The following AVPI1 variants were observed in gnomAD, a reference collection of about 807,000 sequenced individuals.
The protein encoded by AVPI1 is arginine vasopressin-induced protein 1.
AVPI1 carries 9 observed loss-of-function variants against 11.9 expected under a neutral mutation model. That is an observed-to-expected ratio of 0.76 (90% confidence interval 0.46 to 1.32). The LOEUF is 1.32. Ranked by LOEUF, AVPI1 falls within the 40% of genes most tolerant of loss-of-function variation. The pLI, the probability that AVPI1 is intolerant of heterozygous loss-of-function variation, is 0.00. For synonymous variants in AVPI1, 68 were observed against 78.1 expected (o/e 0.87, Z 0.68); for missense variants, 207 against 195.8 (o/e 1.06, Z -0.34).
intron 1 of AVPI1, among the ~76,000 whole-genome samples, chr10:97,682,089 C>T (rs946096908): frequency 1.3e-5 from 2 of 152,168 alleles, no homozygotes; most frequent in Non-Finnish European, 2.9e-5. Flanking sequence ...GTGACTTAAG[C>T]GTCCCACGGA....
chr10:97,679,762 G>C lies in AVPI1; in HGVS notation c.144C>G (p.Asp48Glu), dbSNP rs748199701. The C allele has an allele frequency of 6.2e-7, 1 of 1,614,092 alleles. No homozygotes were observed. The highest frequency in any genetic ancestry group is 2.2e-5 in the East Asian group (1 of 44,882). The change falls in exon 2 of 3, where the codon GAC (aspartate) becomes GAG (glutamate). Residue 48 changes from aspartate (D) to glutamate (E), a missense_variant. Transcript: ENST00000370626. Reference sequence around the variant, plus strand: ...TCTGTGCCCGTTCCTCGGCCAGCTGGTCCCCGCTGCGTTGAAACAGGGCTT... The same window carrying C: ...TCTGTGCCCGTTCCTCGGCCAGCTGCTCCCCGCTGCGTTGAAACAGGGCTT... ...QIQALFQRSG[D>E]QLAEERAQII... is the part of the protein sequence containing the mutation.
intron 1 of AVPI1, among the ~76,000 whole-genome samples, chr10:97,681,604 C>T (rs375696128): frequency 8.6e-5 from 13 of 151,856 alleles, no homozygotes; most frequent in African/African-American, 2.2e-4. Context: ...TACGGCCGGG[C>T]GCGGTGGCTC....
chr10:97,685,322 A>G (rs973027070), intron 1 of AVPI1, among the ~76,000 whole-genome samples: 1 of 152,238 alleles, frequency 6.6e-6, no homozygotes, highest in Non-Finnish European at 1.5e-5. Flanking sequence ...ATATATTTAA[A>G]AAGTGACTCA....
chr10:97,686,032 C>G (rs1428626036), intron 1 of AVPI1, among the ~76,000 whole-genome samples: 1 of 152,150 alleles, frequency 6.6e-6, no homozygotes, highest in Non-Finnish European at 1.5e-5. Flanking sequence ...CCTGTAATCC[C>G]AGCACTTTGG....
chr10:97,679,887 C>A lies in AVPI1; in HGVS notation c.19G>T (p.Val7Leu). The change falls in exon 2 of 3, where the codon GTG becomes TTG. Residue 7 changes from valine (V) to leucine (L), a missense_variant. Physicochemically the swap from Val to Leu is conservative, Grantham distance 32. Coordinates refer to ENST00000370626, the MANE Select transcript of AVPI1 (RefSeq NM_021732.3). Reference protein sequence around the residue: MGTPASVVSEPPPWQAP... With the variant: MGTPASLVSEPPPWQAP... ...TGCCAAGGGGGTGGCTCACTGACCA[C>A]CGAGGCTGGGGTACCCATTGTGGAT... The A allele has an allele frequency of 6.3e-7, 1 of 1,584,674 alleles. No individual in the cohort carries two copies. The highest frequency in any genetic ancestry group is 8.5e-7 in the Non-Finnish European group (1 of 1,169,912).
chr10:97,686,286 C>T lies in AVPI1; in HGVS notation c.-11+480G>A, dbSNP rs74678866. Among the ~76,000 whole-genome samples, 1,179 of 152,254 alleles carry T rather than the reference C, an allele frequency of 7.7e-3. 18 individuals carry two copies. The highest frequency in any genetic ancestry group is 0.023 in the African/African-American group (960 of 41,530). On this transcript the variant is annotated intron_variant, in intron 1 of 2. Transcript: ENST00000370626. ...ATGAAGGGAAAGGCTGTTTGACTAC[C>T]AGGGGCTATAGAATCATTGTCATTT...
At chr10:97,682,551 C>G (rs772498061) in intron 1 of AVPI1, among the ~76,000 whole-genome samples, 15 of 152,182 alleles carry the variant, frequency 9.9e-5, no homozygotes, top group Non-Finnish European at 1.6e-4. Flanking sequence ...GCCTTTTGTT[C>G]TCTGTAAGAG....
intron 1 of AVPI1, among the ~76,000 whole-genome samples, chr10:97,683,074 T>G (rs1202587569): frequency 1.3e-5 from 2 of 152,194 alleles, no homozygotes; most frequent in African/African-American, 4.8e-5. Context: ...CACAGGGAAG[T>G]AAAGGGAAGC....
intron 2 of AVPI1, among the ~76,000 whole-genome samples, chr10:97,678,948 TG>T (rs2041685170): frequency 5.0e-5 from 2 of 40,010 alleles, no homozygotes; most frequent in South Asian, 2.2e-3. Flanking sequence ...TGTGTGTGTG[TG>T]TGTGTGTGTG....
Position 97,677,549 on chromosome 10 carries a change from A to G in AVPI1, c.*320T>C. ...TAGTAGCAGGTAGATGATTAGTAGC[A>G]TGAGTGGTGAAATGCTGCATCTAAG... On this transcript the variant is annotated 3_prime_UTR_variant, in exon 3 of 3. Transcript: ENST00000370626. 1 of 289,092 alleles carries G rather than the reference A, an allele frequency of 3.5e-6. No individual in the cohort carries two copies. Among genetic ancestry groups the G allele is most frequent in the South Asian group, 5.3e-5 (1 of 18,754 alleles). The allele number at this position is 289,092 out of a possible 1,614,324, so 17.9% of individuals were successfully genotyped here.
In AVPI1 at chr10:97,687,058, C is replaced by CT; in HGVS notation, c.-304dup. 6.6e-6 allele frequency: 1 copy of CT among 152,496 alleles called. No individual in the cohort carries two copies. Among genetic ancestry groups the CT allele is most frequent in the African/African-American group, 2.4e-5 (1 of 41,602 alleles). 9.4% of individuals were successfully genotyped at this position (152,496 alleles called of 1,614,324 possible). On this transcript the variant is annotated 5_prime_UTR_variant, in exon 1 of 3. Coordinates refer to ENST00000370626, the MANE Select transcript of AVPI1 (RefSeq NM_021732.3). ...GTCGCGTCCCGCTGGCACCCCGGCT[C>CT]TGACTGTCGCCCTCCGGCTCCCACC...
chr10:97,681,451 G>A (rs540946032), intron 1 of AVPI1, among the ~76,000 whole-genome samples: 3 of 151,468 alleles, frequency 2.0e-5, no homozygotes, highest in South Asian at 2.1e-4. Flanking sequence ...GCGTGGTGGC[G>A]CATGCCTGTA....
At chr10:97,684,796 G>A (rs549225833) in intron 1 of AVPI1, among the ~76,000 whole-genome samples, 67 of 152,120 alleles carry the variant, frequency 4.4e-4, no homozygotes, top group African/African-American at 1.6e-3. Flanking sequence ...CACCATGACC[G>A]GCCAAGCCCC....
chr10:97,682,459 G>T (rs1443959180), intron 1 of AVPI1, among the ~76,000 whole-genome samples: 1 of 152,080 alleles, frequency 6.6e-6, no homozygotes, highest in East Asian at 1.9e-4. Context: ...ATCATAAGAG[G>T]CAAACAGTAC....
chr10:97,677,833 A>G lies in AVPI1; in HGVS notation c.*36T>C. On this transcript the variant is annotated 3_prime_UTR_variant, in exon 3 of 3. Transcript: ENST00000370626. ...TCACCTCCCCAGGCCTTTTGGCAAG[A>G]GGGAAGACACTGCCATTCCTGGCTC... 1.2e-6 allele frequency: 2 copies of G among 1,610,246 alleles called. No homozygotes were observed. Among genetic ancestry groups the G allele is most frequent in the Non-Finnish European group, 1.7e-6 (2 of 1,177,500 alleles).
chr10:97,681,730 T>A (rs1409755742), intron 1 of AVPI1, among the ~76,000 whole-genome samples: 3 of 133,208 alleles, frequency 2.3e-5, no homozygotes, highest in African/African-American at 8.1e-5. Flanking sequence ...TACAAAAAAT[T>A]AGCCGGGCGC....
In AVPI1 at chr10:97,678,860, CT is replaced by C. The variant is rs201581234; in HGVS notation, c.287+758del. Among the ~76,000 whole-genome samples, 538 of 141,638 alleles carry C rather than the reference CT, an allele frequency of 3.8e-3. 8 individuals carry two copies. The highest frequency in any genetic ancestry group is 0.023 in the South Asian group (99 of 4,360). 92.9% of individuals were successfully genotyped at this position (141,638 alleles called of 152,430 possible). The stretch of plus-strand genomic sequence containing the variant: ...ATGCCACCATGCCTGGCTAATTTCT[CT>C]TTTTTTTGGCGGGGGGAGGGTGTGT... On this transcript the variant is annotated intron_variant, in intron 2 of 2. Coordinates refer to ENST00000370626, the MANE Select transcript of AVPI1 (RefSeq NM_021732.3).
Position 97,678,016 on chromosome 10 carries a change from C to T in AVPI1, c.297G>A (p.Glu99=), listed in dbSNP as rs1360246733. ...GTGGGTTGGCCAGTGCAGAGTGGGG[C>T]TCCAGGATTCTGCAGAGAACAAGTG... The part of the protein sequence containing the change: ...LHHCSRLRIL[E]PHSALANPQS... Residue 99 remains glutamate (E), a synonymous_variant, in exon 3 of 3, where the codon GAG becomes GAA. Transcript: ENST00000370626. The T allele has an allele frequency of 3.1e-6, 5 of 1,613,838 alleles. No individual in the cohort carries two copies. In the East Asian group the frequency reaches 1.1e-4, roughly 36 times the overall value.
chr10:97,678,968 T>TCA (rs1339746127), intron 2 of AVPI1, among the ~76,000 whole-genome samples: 10 of 79,760 alleles, frequency 1.3e-4, no homozygotes, highest in East Asian at 9.5e-4. Context: ...TGTGTGTGTG[T>TCA]GTGTGTGTGT....
Sources: allele counts gnomAD v4.1 joint callset (sites outside exome capture counted in the v4.1 genomes callset), GRCh38; gene constraint gnomAD v4.1.1; transcripts MANE v1.5; gene names NCBI Gene and HGNC (gene_info 2026-07-23, HGNC 2026-07-21).